The following HUWE1 variants were observed in gnomAD, a reference collection of about 807,000 sequenced individuals.
HUWE1 encodes the protein HECT, UBA and WWE domain containing E3 ubiquitin protein ligase 1, also known as E3 ubiquitin-protein ligase HUWE1.
A neutral mutation model predicts 299.4 loss-of-function variants in HUWE1; 18 were observed. The observed-to-expected ratio is 0.06, with a 90% CI of 0.04 to 0.09. The LOEUF is 0.09. Ranked by LOEUF, HUWE1 falls within the 10% of genes least tolerant of loss-of-function variation. The pLI is 1.00. For synonymous variants in HUWE1, 1,317 were observed against 1,286.1 expected, an observed-to-expected ratio of 1.02 and a Z score of -0.51; for missense variants, 1,832 against 3,462.3, an observed-to-expected ratio of 0.53 and a Z score of 11.82.
At chrX:53,653,864 C>G (rs2068619582) in intron 4 of HUWE1, among the ~76,000 whole-genome samples, 199 bp downstream of exon 4, 1 of 111,965 alleles carries the variant, frequency 8.9e-6, no homozygotes, top group Admixed American at 9.4e-5. Context: ...TGTTCACTTT[C>G]CACTGGTCTC....
intron 8 of HUWE1, among the ~76,000 whole-genome samples, chrX:53,633,032 C>T (rs369645888): frequency 8.0e-5 from 9 of 112,647 alleles, no homozygotes; most frequent in African/African-American, 2.6e-4. Context: ...TCAAAGTATG[C>T]CTCATAGGCA....
rs782531338 is a variant in HUWE1, at chrX:53,631,422, C to T, written c.754G>A (p.Asp252Asn). 20 of 1,197,329 alleles carry T rather than the reference C, an allele frequency of 1.7e-5. No individual in the cohort carries two copies. The highest frequency in any genetic ancestry group is 2.2e-5 in the Non-Finnish European group (19 of 882,969). The stretch of plus-strand genomic sequence containing the variant: ...TTAAAGCCACATCATACCTGCTTAT[C>T]CTTAGGAATGCTGTACATTTTGGTA... ...SLTKMYSIPK[D>N]KQMLLFTHIR... The change falls in exon 11 of 84, where the codon GAT becomes AAT. Residue 252 changes from aspartate (D) to asparagine (N), a missense_variant. Physicochemically the swap from Asp to Asn is conservative, Grantham distance 23. This residue lies in a region of HUWE1 where 658 missense variants were observed against 1,282.6 expected (regional missense o/e 0.51). Coordinates refer to ENST00000262854, the MANE Select transcript of HUWE1 (RefSeq NM_031407.7).
intron 9 of HUWE1, chrX:53,632,198 T>C: frequency 5.6e-6 from 2 of 355,219 alleles, no homozygotes. Context: ...CAAACTACTA[T>C]ACTACATGTT....
chrX:53,655,870 G>A (rs979904376), intron 3 of HUWE1, among the ~76,000 whole-genome samples: 1 of 111,636 alleles, frequency 9.0e-6, no homozygotes, highest in Admixed American at 9.5e-5. Context: ...TCAACATACT[G>A]CTGAAAGTTC....
In HUWE1 at chrX:53,559,038, T is replaced by C. The variant is rs1379752152; in HGVS notation, c.7938A>G (p.Thr2646=). The part of the protein sequence containing the change: ...SQAGTLSSIP[T]ALTRWTEECK... The stretch of plus-strand genomic sequence containing the variant: ...ATTCTTCTGTCCAGCGGGTCAGGGC[T>C]GTGGGGATGCTGGACAGGGTTCCTG... The change falls in exon 58 of 84, where the codon ACA becomes ACG. Residue 2646 remains threonine, a synonymous_variant. Coordinates refer to ENST00000262854, the MANE Select transcript of HUWE1 (RefSeq NM_031407.7). 1.1e-4 allele frequency: 128 copies of C among 1,167,171 alleles called. No homozygotes were observed. Among genetic ancestry groups the C allele is most frequent in the Non-Finnish European group, 1.3e-4 (114 of 872,366 alleles).
intron 2 of HUWE1, chrX:53,680,827 C>T (rs2070094905): frequency 8.9e-6 from 1 of 111,809 alleles, no homozygotes; most frequent in Admixed American, 9.5e-5. Flanking sequence ...TAAAATGCAC[C>T]AATGCAAAAT....
Position 53,580,733 on chromosome X carries a change from G to A in HUWE1, c.5716+98C>T, listed in dbSNP as rs1166698906. 4.8e-6 allele frequency: 4 copies of A among 831,308 alleles called. No homozygotes were observed. The East Asian group carries it at 1.3e-4, about 27-fold the overall frequency. 68.5% of individuals were successfully genotyped at this position (831,308 alleles called of 1,213,427 possible). ...AGCAAATGTCCTAATACTTGCCTAAGGAGGCTCTTCAAGTTACAGACCTCC... is the reference window on the plus strand; with the variant it reads ...AGCAAATGTCCTAATACTTGCCTAAAGAGGCTCTTCAAGTTACAGACCTCC... On this transcript the variant is annotated intron_variant, in intron 43 of 83. Coordinates refer to ENST00000262854, the MANE Select transcript of HUWE1 (RefSeq NM_031407.7).
intron 40 of HUWE1, 107 bp downstream of exon 40, chrX:53,584,905 C>T (rs1428161999): frequency 1.7e-5 from 15 of 864,041 alleles, no homozygotes; most frequent in Admixed American, 6.6e-5. Context: ...AAAAGAACAA[C>T]GACAAAAAAA....
intron 53 of HUWE1, 123 bp downstream of exon 53, chrX:53,562,708 G>A (rs2062353461): frequency 1.3e-5 from 7 of 554,370 alleles, no homozygotes; most frequent in South Asian, 7.1e-5. Context: ...GTATGTCAGC[G>A]CATGCAGACA....
At chrX:53,578,131 G>A (rs1556961310) in intron 43 of HUWE1, among the ~76,000 whole-genome samples, 1 of 95,564 alleles carries the variant, frequency 1.0e-5, no homozygotes, top group East Asian at 3.5e-4. Context: ...ATCTCTGCCC[G>A]GCCGCCCATC....
chrX:53,537,237 G>A, intron 78 of HUWE1: 1 of 306,936 alleles, frequency 3.3e-6, no homozygotes, highest in Admixed American at 4.8e-5. Context: ...GTTTGGTGGA[G>A]GCCACTCATA....
intron 60 of HUWE1, among the ~76,000 whole-genome samples, chrX:53,555,977 A>C (rs1321914328): frequency 8.9e-6 from 1 of 112,220 alleles, no homozygotes; most frequent in Admixed American, 9.5e-5. Flanking sequence ...ATTCCCTTGC[A>C]CACATTCCTG....
chrX:53,652,064 A>C (rs1310106117), intron 4 of HUWE1, among the ~76,000 whole-genome samples: 1 of 112,061 alleles, frequency 8.9e-6, no homozygotes, highest in Non-Finnish European at 1.9e-5. Flanking sequence ...TTACATACAA[A>C]TAGTTTTAAA....
intron 3 of HUWE1, among the ~76,000 whole-genome samples, chrX:53,671,277 G>C (rs1025349029): frequency 6.3e-5 from 7 of 111,151 alleles, no homozygotes; most frequent in Non-Finnish European, 1.1e-4. Flanking sequence ...AAAACCTATG[G>C]AAATAAAAAA....
chrX:53,656,530 A>G (rs2068753728), intron 3 of HUWE1, among the ~76,000 whole-genome samples: 1 of 85,942 alleles, frequency 1.2e-5, no homozygotes, highest in South Asian at 7.3e-4. Context: ...TGACAGAGCG[A>G]GACTCCAGTC....
chrX:53,537,335 G>A, intron 78 of HUWE1: 1 of 446,284 alleles, frequency 2.2e-6, no homozygotes, highest in Non-Finnish European at 3.9e-6. Flanking sequence ...TTTCCTGTCT[G>A]TCTGGGAATT....
intron 31 of HUWE1, among the ~76,000 whole-genome samples, chrX:53,594,022 G>A (rs1260096996): frequency 9.0e-6 from 1 of 110,771 alleles, no homozygotes; most frequent in Non-Finnish European, 1.9e-5. Context: ...GCATGAACCC[G>A]GGAGGCGGAC....
At chrX:53,628,925 C>A in intron 13 of HUWE1, 23 bp from the exon 14 acceptor site, 1 of 1,150,928 alleles carries the variant, frequency 8.7e-7, no homozygotes, top group Non-Finnish European at 1.2e-6. Context: ...AAGGTAAACA[C>A]ATAATGTGTC....
At chrX:53,539,932 G>A in intron 74 of HUWE1, 120 bp from the exon 75 acceptor site, 4 of 647,724 alleles carry the variant, frequency 6.2e-6, no homozygotes, top group Non-Finnish European at 9.3e-6. Flanking sequence ...TGGCCACTGA[G>A]TGGTACTCAC....
Sources: allele counts gnomAD v4.1 joint callset (sites outside exome capture counted in the v4.1 genomes callset), GRCh38; gene constraint gnomAD v4.1.1; regional missense constraint gnomAD v4.1.1; transcripts MANE v1.5; gene names NCBI Gene and HGNC (gene_info 2026-07-23, HGNC 2026-07-21).